Variants in FHIT observed in about 807,000 individuals in gnomAD.
FHIT encodes bis(5'-adenosyl)-triphosphatase.
FHIT carries 19 observed loss-of-function variants against 17.9 expected under a neutral mutation model. The observed-to-expected ratio is 1.06, with a 90% confidence interval of 0.74 to 1.56. The LOEUF is 1.56. FHIT is among the 40% of genes most tolerant of loss of function. The pLI is 0.00. For synonymous variants in FHIT, 81 were observed against 69.7 expected (o/e 1.16, Z -0.81); for missense variants, 248 against 189.2 (o/e 1.31, Z -1.82).
chr3:59,970,210 T>C (rs772504484), intron 7 of FHIT, among the ~76,000 whole-genome samples: 16 of 152,126 alleles, frequency 1.1e-4, no homozygotes, highest in South Asian at 2.1e-4. Context: ...AAATGTACTG[T>C]AAAAAACGGC....
intron 5 of FHIT, among the ~76,000 whole-genome samples, chr3:60,190,850 T>C (rs1702371542): frequency 6.6e-6 from 1 of 151,846 alleles, no homozygotes; most frequent in Non-Finnish European, 1.5e-5. Flanking sequence ...AACTGAGGCA[T>C]GAGAATCCCT....
chr3:60,213,798 G>A (rs1272681706), intron 5 of FHIT, among the ~76,000 whole-genome samples: 1 of 152,112 alleles, frequency 6.6e-6, no homozygotes, highest in Non-Finnish European at 1.5e-5. Flanking sequence ...CACCTAATTA[G>A]CAGATGAAAA....
At chr3:60,500,950 T>C (rs1422505654) in intron 5 of FHIT, among the ~76,000 whole-genome samples, 4 of 152,062 alleles carry the variant, frequency 2.6e-5, no homozygotes, top group Non-Finnish European at 5.9e-5. Context: ...TTGGCACATA[T>C]TCGGTTGGTG....
chr3:60,629,083 T>G (rs1321490925), intron 4 of FHIT, among the ~76,000 whole-genome samples: 4 of 152,082 alleles, frequency 2.6e-5, no homozygotes, highest in African/African-American at 9.7e-5. Context: ...TGGAAGAAGG[T>G]AATTCCTAAA....
rs113316393 is a variant in FHIT, at chr3:61,176,031, C to T, written c.-164+24586G>A. The stretch of plus-strand genomic sequence containing the variant: ...GCATAAGCAAATCGTAATTGACAAA[C>T]ATCAGTATCTCAGAGCATTCAACAA... On this transcript the variant is annotated intron_variant, in intron 2 of 9. Coordinates refer to ENST00000492590, the MANE Select transcript of FHIT (RefSeq NM_002012.4). 2.0e-3 allele frequency among the ~76,000 whole-genome samples: 312 copies of T among 152,310 alleles called. 3 individuals carry two copies. Among genetic ancestry groups the T allele is most frequent in the African/African-American group, 7.0e-3 (289 of 41,568 alleles).
chr3:60,062,965 C>G (rs1401693041), intron 5 of FHIT, among the ~76,000 whole-genome samples: 1 of 152,104 alleles, frequency 6.6e-6, no homozygotes, highest in Non-Finnish European at 1.5e-5. Flanking sequence ...GGAGAAGAGT[C>G]AACTGAGGAG....
Position 60,134,219 on chromosome 3 carries a change from G to C in FHIT, c.104-120067C>G, listed in dbSNP as rs185543341. Among the ~76,000 whole-genome samples the C allele has an allele frequency of 2.3e-3, 349 of 152,244 alleles. 2 individuals carry two copies. Among genetic ancestry groups the C allele is most frequent in the African/African-American group, 7.3e-3 (305 of 41,544 alleles). ...ATGGAGTTGGGCCAAGGTGGAGATA[G>C]GAAAATATCCATGACACTTCCAGTA... On this transcript the variant is annotated intron_variant, in intron 5 of 9. Transcript: ENST00000492590.
chr3:60,827,808 C>T (rs1477509241), intron 3 of FHIT, among the ~76,000 whole-genome samples: 2 of 152,236 alleles, frequency 1.3e-5, no homozygotes, highest in East Asian at 1.9e-4. Flanking sequence ...ATGGCCTCTG[C>T]TGCTACATTT....
intron 4 of FHIT, among the ~76,000 whole-genome samples, chr3:60,542,808 C>A (rs1471551811): frequency 6.6e-6 from 1 of 152,148 alleles, no homozygotes; most frequent in Non-Finnish European, 1.5e-5. Flanking sequence ...GCAAATCTCT[C>A]CGAACAAATC....
At chr3:61,041,444 C>T (rs568367281) in intron 3 of FHIT, among the ~76,000 whole-genome samples, 32 of 151,790 alleles carry the variant, frequency 2.1e-4, no homozygotes, top group African/African-American at 5.8e-4. Flanking sequence ...CAAGTCTGTG[C>T]GAGTCATCAT....
At chr3:60,796,389 G>A (rs2594171) in intron 4 of FHIT, among the ~76,000 whole-genome samples, 59,754 of 151,516 alleles carry the variant, frequency 0.39, 13,173 homozygotes, top group East Asian at 0.78. Context: ...AGTCAGATGC[G>A]TAATTCCTTT....
intron 2 of FHIT, among the ~76,000 whole-genome samples, chr3:61,111,892 T>G (rs1052156028): frequency 3.9e-5 from 6 of 152,344 alleles, no homozygotes; most frequent in East Asian, 1.9e-4. Context: ...AGTCAGAAAC[T>G]GAGTCAAAAC....
chr3:60,946,939 T>C (rs1708666899), intron 3 of FHIT, among the ~76,000 whole-genome samples: 1 of 152,204 alleles, frequency 6.6e-6, no homozygotes, highest in South Asian at 2.1e-4. Context: ...GGCCAGTGTG[T>C]CTGAGGATGT....
chr3:60,296,844 G>C (rs1001038629), intron 5 of FHIT, among the ~76,000 whole-genome samples: 4 of 151,124 alleles, frequency 2.6e-5, no homozygotes, highest in African/African-American at 9.7e-5. Flanking sequence ...GTGAGGTATA[G>C]GTTAATTTTT....
intron 4 of FHIT, among the ~76,000 whole-genome samples, chr3:60,569,102 A>G (rs893776008): frequency 6.6e-5 from 10 of 151,126 alleles, no homozygotes; most frequent in Non-Finnish European, 1.0e-4. Context: ...ACATTTTCCT[A>G]TTACAGTTTA....
At chr3:60,347,244 T>C (rs1001336885) in intron 5 of FHIT, among the ~76,000 whole-genome samples, 1 of 152,178 alleles carries the variant, frequency 6.6e-6, no homozygotes, top group Non-Finnish European at 1.5e-5. Flanking sequence ...ACTTAATGGA[T>C]GAGTCTCATT....
chr3:60,474,149 A>G (rs1252793696), intron 5 of FHIT, among the ~76,000 whole-genome samples: 2 of 152,328 alleles, frequency 1.3e-5, no homozygotes, highest in East Asian at 1.9e-4. Context: ...GATGAAGGAG[A>G]TGAAGCAGAC....
At chr3:60,194,099 C>T (rs971927495) in intron 5 of FHIT, among the ~76,000 whole-genome samples, 1 of 152,022 alleles carries the variant, frequency 6.6e-6, no homozygotes, top group Non-Finnish European at 1.5e-5. Flanking sequence ...TCCTAAAGTT[C>T]GCATATGGAA....
intron 4 of FHIT, among the ~76,000 whole-genome samples, chr3:60,554,947 TA>T (rs1307741069): frequency 2.0e-5 from 3 of 152,226 alleles, no homozygotes; most frequent in Admixed American, 6.5e-5. Context: ...TTGTACTCTA[TA>T]GACTTACTCC....
Sources: gnomAD v4.1 joint callset for allele counts (sites outside exome capture counted in the v4.1 genomes callset) on GRCh38, gnomAD v4.1.1 for gene constraint, MANE v1.5 for transcripts, NCBI Gene and HGNC (gene_info 2026-07-23, HGNC 2026-07-21) for gene names.